Variants in SLC25A43 observed in about 807,000 individuals in gnomAD.
SLC25A43 encodes solute carrier family 25, member 43.
A neutral mutation model predicts 22.8 loss-of-function variants in SLC25A43; 10 were observed. The ratio of observed to expected loss-of-function variants is 0.44; its 90% CI spans 0.27 to 0.74. SLC25A43 has a LOEUF of 0.74. SLC25A43 is among the 30% of genes least tolerant of loss of function. The pLI, the probability that SLC25A43 is intolerant of heterozygous loss-of-function variation, is 0.17. For synonymous variants in SLC25A43, 106 were observed against 121.6 expected, an observed-to-expected ratio of 0.87 and a Z score of 0.84; for missense variants, 233 against 279.1, an observed-to-expected ratio of 0.83 and a Z score of 1.18.
At chrX:119,445,500 A>T (rs1219326139) in intron 3 of SLC25A43, among the ~76,000 whole-genome samples, 1 of 111,706 alleles carries the variant, frequency 9.0e-6, no homozygotes, top group Non-Finnish European at 1.9e-5. Context: ...CTGCAAGGAC[A>T]TGAGTTAGGT....
At chrX:119,410,888 C>A (rs993754906) in intron 3 of SLC25A43, among the ~76,000 whole-genome samples, 1 of 106,277 alleles carries the variant, frequency 9.4e-6, no homozygotes, top group South Asian at 4.3e-4. Context: ...GACTATGTCT[C>A]AAAAAAAAGA....
intron 1 of SLC25A43, among the ~76,000 whole-genome samples, chrX:119,403,297 T>C (rs1288899036): frequency 9.5e-6 from 1 of 105,773 alleles, no homozygotes; most frequent in East Asian, 2.9e-4. Flanking sequence ...AAAAATTTCT[T>C]TTTTTTTTTT....
chrX:119,444,368 A>G (rs980449968), intron 3 of SLC25A43, among the ~76,000 whole-genome samples: 1 of 111,746 alleles, frequency 8.9e-6, no homozygotes, highest in Admixed American at 9.6e-5. Context: ...TTTAATTTCC[A>G]TAGCAACTCT....
intron 3 of SLC25A43, among the ~76,000 whole-genome samples, chrX:119,413,724 A>C (rs1390938874): frequency 1.8e-5 from 2 of 110,049 alleles, no homozygotes; most frequent in Admixed American, 9.8e-5. Context: ...AAAAAAAAAA[A>C]TTAGTATCCT....
chrX:119,416,877 A>G (rs187357740), intron 3 of SLC25A43, among the ~76,000 whole-genome samples: 89 of 112,634 alleles, frequency 7.9e-4, no homozygotes, highest in Admixed American at 1.8e-3. Context: ...AAACAAACAA[A>G]AAAATAGTTT....
intron 1 of SLC25A43, among the ~76,000 whole-genome samples, chrX:119,401,343 G>T (rs2052235904): frequency 8.9e-6 from 1 of 111,788 alleles, no homozygotes; most frequent in African/African-American, 3.3e-5. Flanking sequence ...AAGGGGCATG[G>T]TCCCTGTGCC....
At position 119,410,199 on chromosome X, in the gene SLC25A43, C is replaced by T. The variant is rs200708792; in HGVS notation, c.527C>T (p.Pro176Leu). ...TGGCCTTGTTTTGCAGGTGCTCTCCCGTTCTCTGCTGGCTCCCTTCTTGTT... is the reference window on the plus strand; with the variant it reads ...TGGCCTTGTTTTGCAGGTGCTCTCCTGTTCTCTGCTGGCTCCCTTCTTGTT... ...GVSLTVVGAL[P>L]FSAGSLLVYM... Residue 176 changes from proline to leucine, a missense_variant, in exon 3 of 5, where the codon CCG becomes CTG. Transcript: ENST00000217909. 170 of 1,208,327 alleles carry T rather than the reference C, an allele frequency of 1.4e-4. No homozygotes were observed. The highest frequency in any genetic ancestry group is 4.6e-4 in the Middle Eastern group (2 of 4,304).
intron 3 of SLC25A43, among the ~76,000 whole-genome samples, chrX:119,444,113 TATAAC>T (rs943367928): frequency 9.0e-6 from 1 of 111,549 alleles, no homozygotes; most frequent in Non-Finnish European, 1.9e-5. Flanking sequence ...TGAGGAAAGA[TATAAC>T]AATCATTAAT....
chrX:119,415,911 G>A (rs1391421716), intron 3 of SLC25A43, among the ~76,000 whole-genome samples: 4 of 106,226 alleles, frequency 3.8e-5, no homozygotes, highest in African/African-American at 1.0e-4. Context: ...GGGAGACTGA[G>A]GAGGGAGGAT....
At chrX:119,404,481 CAGGGGGT>C (rs1183246981) in intron 1 of SLC25A43, among the ~76,000 whole-genome samples, 2 of 112,039 alleles carry the variant, frequency 1.8e-5, no homozygotes, top group African/African-American at 6.5e-5. Context: ...AGGTAAGGGG[CAGGGGGT>C]GTGGAGCTTC....
intron 3 of SLC25A43, among the ~76,000 whole-genome samples, chrX:119,421,815 A>T (rs1430976522): frequency 1.8e-5 from 2 of 111,634 alleles, no homozygotes; most frequent in East Asian, 2.8e-4. Flanking sequence ...CTAACAATCT[A>T]CTCAGTTAAT....
chrX:119,422,992 C>T (rs182432547), intron 3 of SLC25A43: 1 of 111,458 alleles, frequency 9.0e-6, no homozygotes, highest in East Asian at 2.8e-4. Context: ...TACAGTCGTC[C>T]CTAGGTGTCT....
In SLC25A43 at chrX:119,434,823, T is replaced by TAA. The variant is rs59203398; in HGVS notation, c.691-17172_691-17171dup. 329 of 94,997 alleles carry TAA rather than the reference T, an allele frequency of 3.5e-3. 5 individuals carry two copies. Among genetic ancestry groups the TAA allele is most frequent in the African/African-American group, 0.011 (271 of 25,325 alleles). The allele number at this position is 94,997 out of a possible 1,213,427, so 7.8% of individuals were successfully genotyped here. On this transcript the variant is annotated intron_variant, in intron 3 of 4. Coordinates refer to ENST00000217909, the MANE Select transcript of SLC25A43 (RefSeq NM_145305.3). ...CAACATAGTGACACCACATCTCTGT[T>TAA]AAAAAAAAAAAAAAATTTTGAGACA...
intron 3 of SLC25A43, among the ~76,000 whole-genome samples, chrX:119,430,737 G>A (rs1258516164): frequency 1.8e-5 from 2 of 112,362 alleles, no homozygotes; most frequent in East Asian, 2.8e-4. Context: ...AAAAGCTTCC[G>A]TGGTCAGCCT....
intron 3 of SLC25A43, among the ~76,000 whole-genome samples, chrX:119,428,539 C>T (rs760845970): frequency 1.1e-4 from 12 of 112,504 alleles, no homozygotes; most frequent in East Asian, 8.3e-4. Context: ...TAGTATTCAA[C>T]GGTATGATAT....
chrX:119,442,872 T>C (rs982405793), intron 3 of SLC25A43, among the ~76,000 whole-genome samples: 1 of 112,322 alleles, frequency 8.9e-6, no homozygotes, highest in African/African-American at 3.2e-5. Context: ...CCCACTCTTA[T>C]ACTGAGCATT....
chrX:119,430,185 T>C (rs182915448), intron 3 of SLC25A43, among the ~76,000 whole-genome samples: 120 of 111,905 alleles, frequency 1.1e-3, no homozygotes, highest in African/African-American at 3.0e-3. Flanking sequence ...AAGATACAGT[T>C]TGGATGAATG....
At chrX:119,410,468 G>A in intron 3 of SLC25A43, 106 bp downstream of exon 3, 8 of 896,317 alleles carry the variant, frequency 8.9e-6, no homozygotes, top group Non-Finnish European at 1.3e-5. Flanking sequence ...GGTTTCCAAG[G>A]AGCTTCTGAC....
Position 119,406,635 on chromosome X carries a change from T to A in SLC25A43, c.451T>A (p.Phe151Ile), listed in dbSNP as rs770630004. 1 of 1,211,711 alleles carries A rather than the reference T, an allele frequency of 8.3e-7. No homozygotes were observed. The highest frequency in any genetic ancestry group is 2.2e-5 in the Admixed American group (1 of 46,060). The change falls in exon 2 of 5, where the codon TTT becomes ATT. Residue 151 changes from phenylalanine (F) to isoleucine (I), a missense_variant. By Grantham distance (21) the Phe-to-Ile change is conservative (BLOSUM62 0). Coordinates refer to ENST00000217909, the MANE Select transcript of SLC25A43 (RefSeq NM_145305.3). ...ATCGTACAGGGGGCTCCTCCATGCTTTTTCTACTATTTACCAACAGGAAGG... is the reference window on the plus strand; with the variant it reads ...ATCGTACAGGGGGCTCCTCCATGCTATTTCTACTATTTACCAACAGGAAGG... The part of the protein sequence containing the change: ...EPSYRGLLHA[F>I]STIYQQEGFL...
Sources: allele counts gnomAD v4.1 joint callset (sites outside exome capture counted in the v4.1 genomes callset), GRCh38; gene constraint gnomAD v4.1.1; transcripts MANE v1.5; gene names NCBI Gene and HGNC (gene_info 2026-07-23, HGNC 2026-07-21).